Variants in RNF157 observed in about 807,000 individuals in gnomAD.
RNF157 encodes the protein ring finger protein 157, also known as E3 ubiquitin ligase RNF157.
In RNF157, 55 loss-of-function variants were observed where a neutral mutation model predicts 88.3. That is an observed-to-expected ratio of 0.62 (90% CI 0.50 to 0.78). RNF157 has a LOEUF of 0.78. RNF157 is among the 30% of genes least tolerant of loss of function. The pLI is 0.00. For synonymous variants in RNF157, 334 were observed against 341.2 expected, an observed-to-expected ratio of 0.98 and a Z score of 0.23; for missense variants, 788 against 860.8, an observed-to-expected ratio of 0.92 and a Z score of 1.06.
At chr17:76,210,263 G>A (rs1311405762) in intron 2 of RNF157, among the ~76,000 whole-genome samples, 2 of 152,080 alleles carry the variant, frequency 1.3e-5, no homozygotes, top group South Asian at 2.1e-4. Flanking sequence ...GTGTACTACT[G>A]GACGAAAAAT....
At chr17:76,222,150 A>C (rs2069995174) in intron 1 of RNF157, among the ~76,000 whole-genome samples, 1 of 152,222 alleles carries the variant, frequency 6.6e-6, no homozygotes, top group Non-Finnish European at 1.5e-5. Flanking sequence ...GTTCGAGACC[A>C]GCCTGGCCAA....
chr17:76,207,537 G>A (rs1483605249), intron 2 of RNF157, among the ~76,000 whole-genome samples: 3 of 152,176 alleles, frequency 2.0e-5, no homozygotes, highest in Non-Finnish European at 4.4e-5. Context: ...GAAATGACAG[G>A]GAATTGCACA....
At chr17:76,225,254 G>A (rs1395212694) in intron 1 of RNF157, among the ~76,000 whole-genome samples, 1 of 152,194 alleles carries the variant, frequency 6.6e-6, no homozygotes, top group Non-Finnish European at 1.5e-5. Context: ...GGGAGGCTGA[G>A]GTGGGAGGAT....
chr17:76,210,338 A>C (rs1456924603), intron 2 of RNF157, among the ~76,000 whole-genome samples: 2 of 151,946 alleles, frequency 1.3e-5, no homozygotes, highest in Non-Finnish European at 2.9e-5. Context: ...TCATGCCTGT[A>C]ATCCCAGCAC....
chr17:76,147,036 G>A, intron 18 of RNF157: 1 of 985,338 alleles, frequency 1.0e-6, no homozygotes, highest in Non-Finnish European at 1.2e-6. Context: ...GAGAACAGGA[G>A]AGTCTTGGAT....
At chr17:76,163,450 C>T (rs2068876505) in intron 8 of RNF157, 1 of 152,282 alleles carries the variant, frequency 6.6e-6, no homozygotes, top group Admixed American at 6.5e-5. Flanking sequence ...CTGCCTCAGG[C>T]TCCCGAACTG....
At chr17:76,226,027 A>C (rs1258091102) in intron 1 of RNF157, 2 of 1,611,136 alleles carry the variant, frequency 1.2e-6, no homozygotes, top group African/African-American at 2.7e-5. Context: ...GAGGATCGTA[A>C]GGTTTGGGGT....
In RNF157 at chr17:76,161,875, T is replaced by A. The variant is rs775369960; in HGVS notation, c.920A>T (p.Tyr307Phe). ...LCNTCADTLR[Y>F]QANNCPICRL... ...GCAGATGGGGCAGTTGTTGGCCTGG[T>A]AGCGCAGCGTGTCTGCACAGGTGTT... Residue 307 changes from tyrosine to phenylalanine, a missense_variant, in exon 10 of 19, where the codon TAC becomes TTC. Physicochemically the swap from Tyr to Phe is conservative, Grantham distance 22. Coordinates refer to ENST00000269391, the MANE Select transcript of RNF157 (RefSeq NM_052916.3). This position sits in a 1 kb window ranked among gnomAD's most constrained non-coding sequence, Gnocchi z 4.6. 6.2e-7 allele frequency: 1 copy of A among 1,614,238 alleles called. No individual in the cohort carries two copies. Among genetic ancestry groups the A allele is most frequent in the South Asian group, 1.1e-5 (1 of 91,086 alleles).
Position 76,194,831 on chromosome 17 carries a change from T to C in RNF157, c.207+17533A>G, listed in dbSNP as rs371195412. ...GAGATCGAGACCATCCTGGCTAACA[T>C]GGTGAAACCCCGTCTCTACTAAAAA... On this transcript the variant is annotated intron_variant, in intron 2 of 18. Coordinates refer to ENST00000269391, the MANE Select transcript of RNF157 (RefSeq NM_052916.3). Among the ~76,000 whole-genome samples, 735 of 152,054 alleles carry C rather than the reference T, an allele frequency of 4.8e-3. 5 individuals carry two copies. The highest frequency in any genetic ancestry group is 0.024 in the East Asian group (125 of 5,172).
chr17:76,215,906 A>G (rs2145036206), intron 1 of RNF157, among the ~76,000 whole-genome samples: 1 of 152,346 alleles, frequency 6.6e-6, no homozygotes, highest in Non-Finnish European at 1.5e-5. Context: ...AAGCTTAATT[A>G]TCAATTATTT....
At chr17:76,237,643 T>A (rs2070304011) in intron 1 of RNF157, among the ~76,000 whole-genome samples, 1 of 152,218 alleles carries the variant, frequency 6.6e-6, no homozygotes, top group African/African-American at 2.4e-5. Context: ...GAACACTAAC[T>A]GGCTGAGAGA....
intron 2 of RNF157, among the ~76,000 whole-genome samples, chr17:76,196,966 C>T (rs2069487923): frequency 6.6e-6 from 1 of 152,244 alleles, no homozygotes; most frequent in Non-Finnish European, 1.5e-5. Context: ...ACTGCCCCAT[C>T]TGTCTTCCTC....
Position 76,162,614 on chromosome 17 carries a change from C to A in RNF157, c.730G>T (p.Val244Phe), listed in dbSNP as rs2068861442. 6.2e-7 allele frequency: 1 copy of A among 1,611,504 alleles called. No homozygotes were observed. Among genetic ancestry groups the A allele is most frequent in the African/African-American group, 1.3e-5 (1 of 74,736 alleles). Residue 244 changes from valine (V) to phenylalanine (F), a missense_variant, in exon 9 of 19, where the codon GTC (valine) becomes TTC (phenylalanine). Physicochemically the swap from Val to Phe is conservative, Grantham distance 50. Transcript: ENST00000269391. ...TAGATCTCCTGAAGGAGGTAGCTGA[C>A]CCCGTCTACCTGAACAGCAAACAGA... ...PLKQKQVVDG[V>F]SYLLQEIYGI...
intron 2 of RNF157, among the ~76,000 whole-genome samples, chr17:76,209,435 C>T (rs1271327655): frequency 6.6e-6 from 1 of 151,922 alleles, no homozygotes; most frequent in Non-Finnish European, 1.5e-5. Context: ...TAATGTGGCC[C>T]AACAGAAACT....
intron 6 of RNF157, among the ~76,000 whole-genome samples, chr17:76,166,215 T>A (rs898602754): frequency 6.6e-6 from 1 of 152,178 alleles, no homozygotes; most frequent in Non-Finnish European, 1.5e-5. Flanking sequence ...CCTCAGGTGA[T>A]CCACCCACCT....
At chr17:76,210,715 C>A (rs752572451) in intron 2 of RNF157, among the ~76,000 whole-genome samples, 1 of 152,024 alleles carries the variant, frequency 6.6e-6, no homozygotes, top group Admixed American at 6.6e-5. Context: ...AGCAATTTCT[C>A]CAGGTCACTC....
chr17:76,228,984 G>A (rs539002177), intron 1 of RNF157, among the ~76,000 whole-genome samples: 31 of 150,900 alleles, frequency 2.1e-4, no homozygotes, highest in African/African-American at 5.1e-4. Context: ...CCCATCCATC[G>A]ATTCATCCTG....
chr17:76,154,232 C>T lies in RNF157; in HGVS notation c.1810+51G>A, dbSNP rs750830971. ...CCTTTTCTTTACCCCTTAAAGAATA[C>T]CCAGGAAAGAAAGATAACTAAAGGA... On this transcript the variant is annotated intron_variant, in intron 17 of 18. Transcript: ENST00000269391. The T allele has an allele frequency of 7.3e-6, 10 of 1,367,314 alleles. No individual in the cohort carries two copies. The East Asian group carries it at 1.8e-4, about 25-fold the overall frequency. 84.7% of individuals were successfully genotyped at this position (1,367,314 alleles called of 1,614,324 possible).
intron 2 of RNF157, among the ~76,000 whole-genome samples, chr17:76,192,113 G>T (rs899723063): frequency 7.2e-5 from 11 of 152,196 alleles, no homozygotes; most frequent in African/African-American, 2.7e-4. Flanking sequence ...ACAGAGGTGA[G>T]AGTGTGCACA....
Sources: allele counts gnomAD v4.1 joint callset (sites outside exome capture counted in the v4.1 genomes callset), GRCh38; gene constraint gnomAD v4.1.1; non-coding constraint Gnocchi (gnomAD v3.1); transcripts MANE v1.5; gene names NCBI Gene and HGNC (gene_info 2026-07-23, HGNC 2026-07-21).